Variants in TPO observed in about 807,000 individuals in gnomAD.
The protein encoded by TPO is thyroid microsomal antigen.
In TPO, 78 loss-of-function variants were observed where a neutral mutation model predicts 96.9. The observed-to-expected ratio is 0.81, with a 90% CI of 0.67 to 0.97. The LOEUF is 0.97. Among genes scored for constraint, TPO ranks in the 50% least tolerant of loss-of-function variants. TPO has a pLI of 0.00. For missense variants in TPO, 1,252 were observed against 1,274.8 expected (o/e 0.98, Z 0.27); for synonymous variants, 547 against 538.0 (o/e 1.02, Z -0.23).
chr2:1,401,514 C>A (rs1159752268), intron 1 of TPO, among the ~76,000 whole-genome samples: 1 of 152,102 alleles, frequency 6.6e-6, no homozygotes, highest in African/African-American at 2.4e-5. Context: ...GTCCTCCCAG[C>A]GAGAATGCTG....
intron 8 of TPO, chr2:1,478,189 G>A (rs979106068): frequency 9.1e-6 from 9 of 985,290 alleles, no homozygotes; most frequent in Non-Finnish European, 4.8e-6. Flanking sequence ...CACATGAGAG[G>A]GTCTTGAATG....
chr2:1,436,650 T>G (rs1665605439), intron 5 of TPO, among the ~76,000 whole-genome samples: 1 of 152,086 alleles, frequency 6.6e-6, no homozygotes, highest in Non-Finnish European at 1.5e-5. Flanking sequence ...CCCCACAAAT[T>G]CCACCGCCCT....
At chr2:1,448,412 T>C (rs1194327837) in intron 5 of TPO, among the ~76,000 whole-genome samples, 1 of 152,180 alleles carries the variant, frequency 6.6e-6, no homozygotes, top group East Asian at 1.9e-4. Flanking sequence ...CTTCCCCGCC[T>C]GAGTCACTTC....
At chr2:1,483,288 C>T (rs1670815366) in intron 8 of TPO, among the ~76,000 whole-genome samples, 1 of 152,200 alleles carries the variant, frequency 6.6e-6, no homozygotes, top group Non-Finnish European at 1.5e-5. Flanking sequence ...CCTGTGCTTG[C>T]TGCATCCCCT....
chr2:1,470,902 G>A (rs1468895392), intron 7 of TPO, among the ~76,000 whole-genome samples: 1 of 152,234 alleles, frequency 6.6e-6, no homozygotes, highest in Non-Finnish European at 1.5e-5. Flanking sequence ...ATTATTGTGT[G>A]AGCTACACTG....
In TPO at chr2:1,542,520, T is replaced by C. The variant is rs1362737623; in HGVS notation, c.*46T>C. Reference sequence around the variant, plus strand: ...GCAGAACAGCTTCATGTTCCCAAAATCACCGTACGACTCTTTTCCAAACAC... The same window carrying C: ...GCAGAACAGCTTCATGTTCCCAAAACCACCGTACGACTCTTTTCCAAACAC... On this transcript the variant is annotated 3_prime_UTR_variant, in exon 17 of 17. Coordinates refer to ENST00000329066, the MANE Select transcript of TPO (RefSeq NM_001206744.2). 6.2e-7 allele frequency: 1 copy of C among 1,612,426 alleles called. No homozygotes were observed. Among genetic ancestry groups the C allele is most frequent in the Non-Finnish European group, 8.5e-7 (1 of 1,179,342 alleles).
intron 1 of TPO, 169 bp downstream of exon 1, chr2:1,413,714 G>A (rs1006727349): frequency 8.1e-6 from 8 of 985,172 alleles, no homozygotes; most frequent in African/African-American, 3.5e-5. Flanking sequence ...AATGACCTCC[G>A]CTGGAACATG....
At chr2:1,458,241 A>G (rs1187682145) in intron 7 of TPO, among the ~76,000 whole-genome samples, 5 of 151,964 alleles carry the variant, frequency 3.3e-5, no homozygotes, top group Non-Finnish European at 2.9e-5. Context: ...ACATGTGTAT[A>G]TAGGATATAA....
chr2:1,392,210 G>C (rs574828272), intron 1 of TPO, among the ~76,000 whole-genome samples: 2 of 152,116 alleles, frequency 1.3e-5, no homozygotes, highest in Non-Finnish European at 2.9e-5. Context: ...GTTTTTAGCA[G>C]GAAAGGCTGC....
At chr2:1,440,010 C>T (rs1408951283) in intron 5 of TPO, among the ~76,000 whole-genome samples, 6 of 152,198 alleles carry the variant, frequency 3.9e-5, no homozygotes, top group Admixed American at 6.5e-5. Context: ...GCCGCTTCGG[C>T]GTCCCTCTCA....
At chr2:1,528,345 CCCCAAGTCCCCCCATTGTGAGCAACCA>C (rs1677115144) in intron 15 of TPO, among the ~76,000 whole-genome samples, 1 of 139,836 alleles carries the variant, frequency 7.2e-6, no homozygotes, top group Admixed American at 7.2e-5. Context: ...GTCTGCAACC[CCCCAAGTCCCCCCATTGTGAGCAACCA>C]CCCCAAATCC....
chr2:1,542,730 C>A lies in TPO; in HGVS notation c.*256C>A. 9.3e-7 allele frequency: 1 copy of A among 1,079,464 alleles called. No homozygotes were observed. Among genetic ancestry groups the A allele is most frequent in the Non-Finnish European group, 1.3e-6 (1 of 761,844 alleles). 66.9% of individuals were successfully genotyped at this position (1,079,464 alleles called of 1,614,324 possible). On this transcript the variant is annotated 3_prime_UTR_variant, in exon 17 of 17. Transcript: ENST00000329066. ...CATTAAAATGTATTTACAGATTACA[C>A]ATCTTTATTTTGTGAACCCTGGAAA...
intron 15 of TPO, among the ~76,000 whole-genome samples, chr2:1,525,878 T>C: frequency 8.7e-6 from 1 of 114,296 alleles, no homozygotes; most frequent in East Asian, 2.9e-4. Context: ...GTGTGCAAAC[T>C]CCTCAAATCC....
chr2:1,541,431 C>T (rs886442108), intron 16 of TPO: 3 of 162,782 alleles, frequency 1.8e-5, no homozygotes, highest in African/African-American at 7.2e-5. Context: ...AAACATAGCT[C>T]ACTGCAGCTT....
chr2:1,490,819 C>T (rs563702854), intron 10 of TPO, among the ~76,000 whole-genome samples: 4 of 152,316 alleles, frequency 2.6e-5, no homozygotes, highest in South Asian at 2.1e-4. Flanking sequence ...ATTTCCACTA[C>T]GCCCTGAAAT....
chr2:1,526,509 C>A (rs1676539340), intron 15 of TPO, among the ~76,000 whole-genome samples: 1 of 137,794 alleles, frequency 7.3e-6, no homozygotes. Flanking sequence ...TGTGCAACCC[C>A]CGCAAATCCT....
At chr2:1,405,767 T>C (rs892107182) in intron 1 of TPO, among the ~76,000 whole-genome samples, 7 of 152,218 alleles carry the variant, frequency 4.6e-5, no homozygotes, top group African/African-American at 1.4e-4. Flanking sequence ...ATCTTATTCA[T>C]GTTCACACTT....
At chr2:1,480,845 C>CCTTCATCCGTCCAA (rs1670564249) in intron 8 of TPO, among the ~76,000 whole-genome samples, 1 of 130,970 alleles carries the variant, frequency 7.6e-6, no homozygotes, top group Non-Finnish European at 1.7e-5. Flanking sequence ...CGTCTGTCCT[C>CCTTCATCCGTCCAA]ACCATACCCA....
chr2:1,512,461 A>G lies in TPO; in HGVS notation c.2519-4422A>G, dbSNP rs926094506. On this transcript the variant is annotated intron_variant, in intron 14 of 16. Transcript: ENST00000329066. Reference sequence around the variant, plus strand: ...CCGGACCAGCGCCCGTGCTCAGGGCAGCTGTGCGCTCCGCGCTGCCTTCTG... The same window carrying G: ...CCGGACCAGCGCCCGTGCTCAGGGCGGCTGTGCGCTCCGCGCTGCCTTCTG... 1.7e-5 allele frequency: 17 copies of G among 985,332 alleles called. No homozygotes were observed. In the African/African-American group the frequency reaches 3.0e-4, roughly 17 times the overall value. 61.0% of individuals were successfully genotyped at this position (985,332 alleles called of 1,614,324 possible).
Sources: allele counts gnomAD v4.1 joint callset (sites outside exome capture counted in the v4.1 genomes callset), GRCh38; gene constraint gnomAD v4.1.1; transcripts MANE v1.5; gene names NCBI Gene and HGNC (gene_info 2026-07-23, HGNC 2026-07-21).